The following CSMD3 variants were observed in gnomAD, a reference collection of about 807,000 sequenced individuals.
CSMD3 encodes the protein CUB and sushi domain-containing protein 3.
A neutral mutation model predicts 435.2 loss-of-function variants in CSMD3; 177 were observed. That is an observed-to-expected ratio of 0.41 (90% CI 0.36 to 0.46). CSMD3 has a LOEUF of 0.46. Ranked by LOEUF, CSMD3 falls within the 20% of genes least tolerant of loss-of-function variation. The pLI is 0.34. For synonymous variants in CSMD3, 1,656 were observed against 1,520.5 expected, an observed-to-expected ratio of 1.09 and a Z score of -2.07; for missense variants, 4,265 against 4,504.6, an observed-to-expected ratio of 0.95 and a Z score of 1.52.
intron 3 of CSMD3, among the ~76,000 whole-genome samples, chr8:113,265,756 G>A (rs142519652): frequency 6.6e-6 from 1 of 151,576 alleles, no homozygotes; most frequent in African/African-American, 2.4e-5. Context: ...TGCTTAGAAG[G>A]TAGAGAGATA....
In CSMD3 at chr8:112,254,629, A is replaced by G. The variant is rs148033320; in HGVS notation, c.10037-303T>C. ...ATTAAGGAAAGATAAAGGATATGAAAGCAGTGTACATGCATATAACATTTG... is the reference window on the plus strand; with the variant it reads ...ATTAAGGAAAGATAAAGGATATGAAGGCAGTGTACATGCATATAACATTTG... On this transcript the variant is annotated intron_variant, in intron 62 of 70. Transcript: ENST00000297405. 2.0e-3 allele frequency among the ~76,000 whole-genome samples: 301 copies of G among 152,182 alleles called. 1 individual carries two copies. Among genetic ancestry groups the G allele is most frequent in the Admixed American group, 3.8e-3 (58 of 15,258 alleles).
intron 1 of CSMD3, 148 bp downstream of exon 1, chr8:113,436,528 AG>A (rs944846203): frequency 2.8e-5 from 23 of 810,518 alleles, no homozygotes; most frequent in South Asian, 6.9e-5. Flanking sequence ...TTCCTATCTG[AG>A]GGGGGGAGAA....
At chr8:112,244,107 T>C (rs1814451620) in intron 65 of CSMD3, among the ~76,000 whole-genome samples, 1 of 152,144 alleles carries the variant, frequency 6.6e-6, no homozygotes. Context: ...GCCCAGCCTA[T>C]GGTACTTTGT....
Position 113,289,252 on chromosome 8 carries a change from G to T in CSMD3, c.402-10548C>A, listed in dbSNP as rs182261608. Among the ~76,000 whole-genome samples the T allele has an allele frequency of 4.9e-3, 750 of 151,872 alleles. 1 individual carries two copies. Among genetic ancestry groups the T allele is most frequent in the Non-Finnish European group, 7.3e-3 (498 of 67,784 alleles). ...AAAGATGACAGATCTGAGAATTAGA[G>T]AATTCTTTCACACACCACTCAGAGT... On this transcript the variant is annotated intron_variant, in intron 2 of 70. Coordinates refer to ENST00000297405, the MANE Select transcript of CSMD3 (RefSeq NM_198123.2).
At chr8:112,229,434 T>C (rs1340300824) in intron 69 of CSMD3, among the ~76,000 whole-genome samples, 1 of 152,082 alleles carries the variant, frequency 6.6e-6, no homozygotes, top group African/African-American at 2.4e-5. Flanking sequence ...CTTTTCTTTT[T>C]TTCTTTTTTC....
intron 32 of CSMD3, among the ~76,000 whole-genome samples, chr8:112,452,547 G>T (rs537633102): frequency 1.3e-5 from 2 of 152,138 alleles, no homozygotes; most frequent in South Asian, 4.1e-4. Flanking sequence ...TTTAATCTAA[G>T]AGATGTAACT....
rs566212300 is a variant in CSMD3 at position 112,558,644 on chromosome 8, C to G, written c.4043-1690G>C. On this transcript the variant is annotated intron_variant, in intron 24 of 70. Transcript: ENST00000297405. The stretch of plus-strand genomic sequence containing the variant: ...GACGAAAGGTATCACATCTTTCTAT[C>G]CCTACACCAGAGAGCTGGATAATTG... 2.0e-5 allele frequency among the ~76,000 whole-genome samples: 3 copies of G among 151,776 alleles called. No individual in the cohort carries two copies. In the South Asian group the frequency reaches 6.2e-4, roughly 31 times the overall value.
At chr8:112,454,325 C>G (rs1288878621) in intron 32 of CSMD3, among the ~76,000 whole-genome samples, 1 of 152,084 alleles carries the variant, frequency 6.6e-6, no homozygotes, top group East Asian at 1.9e-4. Flanking sequence ...AGTACACAGA[C>G]AACCTAAAGA....
At chr8:112,978,437 C>T (rs1276850516) in intron 6 of CSMD3, among the ~76,000 whole-genome samples, 2 of 151,930 alleles carry the variant, frequency 1.3e-5, no homozygotes, top group Non-Finnish European at 2.9e-5. Context: ...TCCAAACACT[C>T]ACTTTCTTGA....
At chr8:113,096,436 C>T (rs1008232502) in intron 5 of CSMD3, among the ~76,000 whole-genome samples, 4 of 152,074 alleles carry the variant, frequency 2.6e-5, no homozygotes, top group Admixed American at 6.6e-5. Flanking sequence ...ATAATTTAGC[C>T]TCACCTCCAC....
intron 12 of CSMD3, among the ~76,000 whole-genome samples, chr8:112,810,649 C>T (rs879198935): frequency 5.3e-5 from 8 of 151,870 alleles, no homozygotes; most frequent in Admixed American, 2.0e-4. Flanking sequence ...TTAAGAGGTG[C>T]CTCATAAGGA....
intron 41 of CSMD3, among the ~76,000 whole-genome samples, chr8:112,343,015 A>ATATATATATATT (rs1476160810): frequency 9.7e-4 from 90 of 92,900 alleles, no homozygotes; most frequent in African/African-American, 2.5e-3. Context: ...ATATATATAT[A>ATATATATATATT]TTTATATATA....
intron 1 of CSMD3, among the ~76,000 whole-genome samples, chr8:113,435,481 C>A (rs2094700016): frequency 1.3e-5 from 2 of 152,078 alleles, no homozygotes; most frequent in Non-Finnish European, 2.9e-5. Flanking sequence ...GCAAGCTGGA[C>A]AATAAACTGT....
intron 1 of CSMD3, among the ~76,000 whole-genome samples, chr8:113,367,903 A>G (rs1364628199): frequency 6.6e-6 from 1 of 152,008 alleles, no homozygotes; most frequent in Non-Finnish European, 1.5e-5. Context: ...CTTCATGATA[A>G]TTGCAATCTA....
rs2091383780 is a variant in CSMD3, at chr8:113,135,140, T to G, written c.710-36177A>C. Among the ~76,000 whole-genome samples the G allele has an allele frequency of 2.6e-5, 4 of 152,016 alleles. No individual in the cohort carries two copies. In the South Asian group the frequency reaches 8.3e-4, roughly 31 times the overall value. On this transcript the variant is annotated intron_variant, in intron 4 of 70. Transcript: ENST00000297405. ...TAAGAACATTGAAACCAGAGCAGACTGTTTTGAAAAGCAAGTGTTGGCATT... is the reference window on the plus strand; with the variant it reads ...TAAGAACATTGAAACCAGAGCAGACGGTTTTGAAAAGCAAGTGTTGGCATT...
chr8:112,382,290 G>T (rs1281765206), intron 37 of CSMD3, among the ~76,000 whole-genome samples: 1 of 52,080 alleles, frequency 1.9e-5, no homozygotes, highest in Non-Finnish European at 4.9e-5. Flanking sequence ...TCTCTAAAAT[G>T]CAAAAAAAAA....
intron 1 of CSMD3, among the ~76,000 whole-genome samples, chr8:113,374,112 T>C (rs2133066256): frequency 6.6e-6 from 1 of 152,162 alleles, no homozygotes; most frequent in East Asian, 1.9e-4. Context: ...ATATCATATC[T>C]ATCCATATTT....
intron 17 of CSMD3, among the ~76,000 whole-genome samples, chr8:112,660,998 G>A: frequency 6.6e-6 from 1 of 152,032 alleles, no homozygotes; most frequent in East Asian, 1.9e-4. Flanking sequence ...TTAAACTGTA[G>A]GAAACATTCC....
intron 10 of CSMD3, among the ~76,000 whole-genome samples, chr8:112,876,983 A>G (rs2081301249): frequency 6.6e-6 from 1 of 152,200 alleles, no homozygotes; most frequent in South Asian, 2.1e-4. Flanking sequence ...CAGAGAGCCA[A>G]ATCATAAGTG....
Sources: gnomAD v4.1 joint callset for allele counts (sites outside exome capture counted in the v4.1 genomes callset) on GRCh38, gnomAD v4.1.1 for gene constraint, MANE v1.5 for transcripts, NCBI Gene and HGNC (gene_info 2026-07-23, HGNC 2026-07-21) for gene names.